CDK6: variants seen among roughly 807,000 people sequenced by gnomAD.
The protein encoded by CDK6 is cyclin dependent kinase 6.
In CDK6, 6 loss-of-function variants were observed where a neutral mutation model predicts 37.1. The observed-to-expected ratio is 0.16, with a 90% CI of 0.09 to 0.32. CDK6 has a LOEUF of 0.32. Among genes scored for constraint, CDK6 ranks in the 10% least tolerant of loss-of-function variants. The probability of loss-of-function intolerance (pLI) is 1.00; values close to 1 mark genes in which losing one functional copy is unlikely to be tolerated. For missense variants in CDK6, 224 were observed against 418.9 expected (o/e 0.53, Z 4.06); for synonymous variants, 160 against 161.3 (o/e 0.99, Z 0.06).
At chr7:92,800,644 G>A (rs1029476664) in intron 2 of CDK6, among the ~76,000 whole-genome samples, 1 of 152,134 alleles carries the variant, frequency 6.6e-6, no homozygotes. Flanking sequence ...TTGCATTCAG[G>A]GGGGGCTCAA....
At chr7:92,728,537 T>C (rs1441109034) in intron 3 of CDK6, among the ~76,000 whole-genome samples, 1 of 152,192 alleles carries the variant, frequency 6.6e-6, no homozygotes, top group Non-Finnish European at 1.5e-5. Flanking sequence ...ATTATTATTA[T>C]TCAGTTTTAG....
At chr7:92,689,690 G>C (rs555616892) in intron 4 of CDK6, among the ~76,000 whole-genome samples, 1 of 152,302 alleles carries the variant, frequency 6.6e-6, no homozygotes, top group East Asian at 1.9e-4. Context: ...TCTGTCTTTA[G>C]GTCTTTGAGG....
intron 5 of CDK6, among the ~76,000 whole-genome samples, chr7:92,651,630 T>C (rs1286554633): frequency 6.6e-6 from 1 of 152,134 alleles, no homozygotes; most frequent in African/African-American, 2.4e-5. Flanking sequence ...TTTGTGCAAG[T>C]GGTAGCTGGA....
chr7:92,716,635 A>T (rs1173815208), intron 4 of CDK6, among the ~76,000 whole-genome samples: 2 of 152,230 alleles, frequency 1.3e-5, no homozygotes, highest in African/African-American at 4.8e-5. Flanking sequence ...CTTTCCTTAA[A>T]AGGAAGCAGT....
At chr7:92,738,639 C>CG (rs1296196144) in intron 3 of CDK6, among the ~76,000 whole-genome samples, 6 of 129,740 alleles carry the variant, frequency 4.6e-5, no homozygotes, top group African/African-American at 1.7e-4. Flanking sequence ...ACTCCATCTC[C>CG]GAAAAAAAAA....
At chr7:92,632,120 CTT>C (rs1796066627) in intron 5 of CDK6, among the ~76,000 whole-genome samples, 1 of 152,004 alleles carries the variant, frequency 6.6e-6, no homozygotes, top group African/African-American at 2.4e-5. Context: ...GTGGGTGTGT[CTT>C]TGAGTATATA....
At chr7:92,616,091 A>G (rs1201210604) in intron 7 of CDK6, among the ~76,000 whole-genome samples, 1 of 152,076 alleles carries the variant, frequency 6.6e-6, no homozygotes, top group African/African-American at 2.4e-5. Flanking sequence ...AGACCTCCTC[A>G]TTGCCACAGG....
intron 5 of CDK6, among the ~76,000 whole-genome samples, chr7:92,630,259 A>AT (rs1796021244): frequency 1.4e-5 from 2 of 144,514 alleles, no homozygotes; most frequent in Non-Finnish European, 3.0e-5. Context: ...ACTTTTTGAT[A>AT]TTTTTTCTTG....
At chr7:92,637,747 C>A (rs1331442409) in intron 5 of CDK6, among the ~76,000 whole-genome samples, 1 of 152,032 alleles carries the variant, frequency 6.6e-6, no homozygotes, top group Non-Finnish European at 1.5e-5. Context: ...GATCAAATAT[C>A]AAATTTAAAA....
At chr7:92,801,934 C>T (rs1009794338) in intron 2 of CDK6, among the ~76,000 whole-genome samples, 12 of 150,848 alleles carry the variant, frequency 8.0e-5, no homozygotes, top group Admixed American at 5.3e-4. Context: ...CCTCTCTTTT[C>T]GTCTCCTCTT....
chr7:92,696,452 A>T (rs541790000), intron 4 of CDK6, among the ~76,000 whole-genome samples: 8 of 152,334 alleles, frequency 5.3e-5, no homozygotes, highest in African/African-American at 1.7e-4. Context: ...TGCTAAGAAG[A>T]TCCTACAAAA....
chr7:92,805,549 A>G (rs1033092031), intron 2 of CDK6, among the ~76,000 whole-genome samples: 14 of 152,112 alleles, frequency 9.2e-5, no homozygotes, highest in Non-Finnish European at 8.8e-5. Flanking sequence ...ATGATGTGCT[A>G]TAGTTGAAAT....
rs1795396690 is a variant in CDK6 at position 92,605,096 on chromosome 7, T to C, written c.*10044A>G. 2 of 232,038 alleles carry C rather than the reference T, an allele frequency of 8.6e-6. No individual in the cohort carries two copies. 14.4% of individuals were successfully genotyped at this position (232,038 alleles called of 1,614,324 possible). On this transcript the variant is annotated 3_prime_UTR_variant, in exon 8 of 8. Coordinates refer to ENST00000424848, the MANE Select transcript of CDK6 (RefSeq NM_001145306.2). ...TTTTTATTGTAAGAAATACAAAAGG[T>C]ATTACAAATATACAAACTATTTGCT...
chr7:92,665,583 A>G (rs1796938240), intron 5 of CDK6, among the ~76,000 whole-genome samples: 1 of 152,204 alleles, frequency 6.6e-6, no homozygotes, highest in Non-Finnish European at 1.5e-5. Flanking sequence ...TACTGAGTTT[A>G]TATTTCCTAG....
At chr7:92,665,940 T>C (rs749360833) in intron 5 of CDK6, among the ~76,000 whole-genome samples, 1 of 152,228 alleles carries the variant, frequency 6.6e-6, no homozygotes, top group Non-Finnish European at 1.5e-5. Flanking sequence ...TAGTTCATTA[T>C]CTGTAAGCTC....
chr7:92,750,311 G>A (rs900796724), intron 3 of CDK6, among the ~76,000 whole-genome samples: 2 of 151,980 alleles, frequency 1.3e-5, no homozygotes, highest in Non-Finnish European at 1.5e-5. Context: ...GGAGAGGCTG[G>A]GCTACATATA....
At chr7:92,659,607 G>GACAC (rs71722069) in intron 5 of CDK6, among the ~76,000 whole-genome samples, 2,765 of 146,050 alleles carry the variant, frequency 0.019, 68 homozygotes, top group African/African-American at 0.064. Context: ...AAGTAGGCAT[G>GACAC]ACACACACAC....
chr7:92,723,778 T>C (rs745429930), intron 4 of CDK6, among the ~76,000 whole-genome samples: 4 of 152,028 alleles, frequency 2.6e-5, no homozygotes, highest in Admixed American at 1.3e-4. Context: ...TACTGAAAAA[T>C]TGTGTATTTA....
At position 92,608,488 on chromosome 7, in the gene CDK6, T is replaced by C. The variant is rs1216326720; in HGVS notation, c.*6652A>G. Reference sequence around the variant, plus strand: ...GGCATATCTTTCACCATCACATATATAGAATGATGGAAAATAAAAAAATAA... The same window carrying C: ...GGCATATCTTTCACCATCACATATACAGAATGATGGAAAATAAAAAAATAA... On this transcript the variant is annotated 3_prime_UTR_variant, in exon 8 of 8. Transcript: ENST00000424848. 2 of 230,436 alleles carry C rather than the reference T, an allele frequency of 8.7e-6. No individual in the cohort carries two copies. The highest frequency in any genetic ancestry group is 2.2e-5 in the African/African-American group (1 of 45,116). 14.3% of individuals were successfully genotyped at this position (230,436 alleles called of 1,614,324 possible).
Sources: gnomAD v4.1 joint callset for allele counts (sites outside exome capture counted in the v4.1 genomes callset) on GRCh38, gnomAD v4.1.1 for gene constraint, MANE v1.5 for transcripts, NCBI Gene and HGNC (gene_info 2026-07-23, HGNC 2026-07-21) for gene names.